The following BLTP1 variants were observed in gnomAD, a reference collection of about 807,000 sequenced individuals.
BLTP1 encodes bridge-like lipid transfer protein family member 1, also known as fragile site-associated protein.
the BLTP1 span, chr4:122,292,708 G>T: frequency 5.2e-5 from 27 of 523,078 alleles, no homozygotes; most frequent in Non-Finnish European, 6.4e-5. Flanking sequence ...TGAGATATTT[G>T]CCTGGTTATG....
At chr4:122,178,229 A>G in the BLTP1 span, 1 of 752,002 alleles carries the variant, frequency 1.3e-6, no homozygotes, top group East Asian at 1.3e-4. Context: ...GGTTATAAAC[A>G]ACTCAATCAA....
the BLTP1 span, among the ~76,000 whole-genome samples, chr4:122,290,289 A>G: frequency 6.6e-6 from 1 of 152,222 alleles, no homozygotes; most frequent in Admixed American, 6.5e-5. Context: ...ACTAGAAATC[A>G]TTAAGGAAGA....
the BLTP1 span, among the ~76,000 whole-genome samples, chr4:122,248,738 C>A: frequency 7.9e-5 from 12 of 152,010 alleles, no homozygotes; most frequent in Admixed American, 3.3e-4. Context: ...AAAATGATAT[C>A]TTTGAAAAAA....
chr4:122,210,979 C>A, the BLTP1 span: 4 of 1,612,902 alleles, frequency 2.5e-6, no homozygotes, highest in South Asian at 1.1e-5. Context: ...TTCTTCACGC[C>A]CACCTATTGA....
chr4:122,199,371 C>T, the BLTP1 span: 3 of 1,612,628 alleles, frequency 1.9e-6, no homozygotes, highest in Non-Finnish European at 2.5e-6. Flanking sequence ...TACACTCCTG[C>T]TATTAAGGGA....
At chr4:122,299,271 G>A in the BLTP1 span, 1 of 330,310 alleles carries the variant, frequency 3.0e-6, no homozygotes, top group African/African-American at 2.2e-5. Context: ...CAAATATTAG[G>A]TATTAGAATT....
the BLTP1 span, among the ~76,000 whole-genome samples, chr4:122,159,457 G>A: frequency 4.1e-5 from 6 of 145,794 alleles, no homozygotes; most frequent in Admixed American, 4.1e-4. Flanking sequence ...GTGAGACTCT[G>A]TCCCAAAAAA....
At chr4:122,309,135 T>C in the BLTP1 span, 1 of 1,279,260 alleles carries the variant, frequency 7.8e-7, no homozygotes, top group Non-Finnish European at 1.0e-6. Flanking sequence ...GGCATCTTTC[T>C]AAGCTGCTCT....
chr4:122,209,827 G>A, the BLTP1 span: 1 of 1,613,180 alleles, frequency 6.2e-7, no homozygotes, highest in Non-Finnish European at 8.5e-7. Context: ...GGTCTGGTTG[G>A]GTTGAATGCT....
At chr4:122,354,043 ATTTAT>A in the BLTP1 span, 1 of 1,601,078 alleles carries the variant, frequency 6.2e-7, no homozygotes, top group African/African-American at 1.3e-5. Flanking sequence ...CTTTGGAGAG[ATTTAT>A]TTTGTTTTTT....
chr4:122,163,832 T>A, the BLTP1 span, among the ~76,000 whole-genome samples: 1 of 152,222 alleles, frequency 6.6e-6, no homozygotes, highest in Non-Finnish European at 1.5e-5. Flanking sequence ...GATCTGCTTC[T>A]GGAACAATAT....
the BLTP1 span, chr4:122,174,663 TAA>T: frequency 1.3e-6 from 2 of 1,558,392 alleles, no homozygotes; most frequent in South Asian, 2.3e-5. Context: ...GTAACAAAAT[TAA>T]AAAATTGAAA....
the BLTP1 span, chr4:122,180,015 C>T: frequency 0.012 from 11,813 of 966,924 alleles, 74 homozygotes; most frequent in Non-Finnish European, 0.014. Context: ...CTCTCATATA[C>T]ACGTGCATGT....
chr4:122,278,036 A>G, the BLTP1 span, among the ~76,000 whole-genome samples: 3 of 152,098 alleles, frequency 2.0e-5, no homozygotes, highest in African/African-American at 7.2e-5. Flanking sequence ...TTCAGTGCAA[A>G]TAGCATAAAA....
chr4:122,173,293 T>A, the BLTP1 span: 2 of 914,924 alleles, frequency 2.2e-6, no homozygotes, highest in Non-Finnish European at 3.3e-6. Context: ...TTCTGGAGGC[T>A]GGGAAGTCCC....
At chr4:122,239,395 A>G in the BLTP1 span, 3 of 858,142 alleles carry the variant, frequency 3.5e-6, no homozygotes, top group Admixed American at 3.1e-5. Context: ...AAAATTGTAG[A>G]TTTTCTTTTA....
the BLTP1 span, chr4:122,199,558 C>G: frequency 2.1e-6 from 2 of 938,118 alleles, no homozygotes; most frequent in South Asian, 3.4e-5. Flanking sequence ...GGTCCATCTT[C>G]TAGTTCAAGA....
At chr4:122,237,712 G>A in the BLTP1 span, 3,855 of 507,162 alleles carry the variant, frequency 7.6e-3, 24 homozygotes, top group South Asian at 0.031. Context: ...AGTCACTTGT[G>A]CTTTTTACAC....
chr4:122,246,878 T>C, the BLTP1 span: 29 of 1,554,184 alleles, frequency 1.9e-5, no homozygotes, highest in Non-Finnish European at 2.5e-5. Context: ...CTTGATCATC[T>C]TTTCTTTTAA....
Sources: allele counts gnomAD v4.1 joint callset (sites outside exome capture counted in the v4.1 genomes callset), GRCh38; gene constraint gnomAD v4.1.1; transcripts MANE v1.5; gene names NCBI Gene and HGNC (gene_info 2026-07-23, HGNC 2026-07-21).